The following KIF5B variants were observed in gnomAD, a reference collection of about 807,000 sequenced individuals.
KIF5B encodes the protein kinesin family member 5B, also known as kinesin-1 heavy chain.
In KIF5B, 49 loss-of-function variants were observed where a neutral mutation model predicts 132.8. That is an observed-to-expected ratio of 0.37 (90% CI 0.29 to 0.47). KIF5B has a LOEUF of 0.47. Among genes scored for constraint, KIF5B ranks in the 20% least tolerant of loss-of-function variants. The pLI is 1.00. For missense variants in KIF5B, 780 were observed against 1,144.0 expected (o/e 0.68, Z 4.59); for synonymous variants, 355 against 369.4 (o/e 0.96, Z 0.45).
At chr10:32,033,068 C>T (rs1248131577) in intron 12 of KIF5B, among the ~76,000 whole-genome samples, 6 of 152,154 alleles carry the variant, frequency 3.9e-5, no homozygotes, top group South Asian at 2.1e-4. Context: ...CTTGTTCTTG[C>T]CTTCCATTCT....
At chr10:32,015,296 A>T (rs760729085) in intron 25 of KIF5B, among the ~76,000 whole-genome samples, 1 of 152,182 alleles carries the variant, frequency 6.6e-6, no homozygotes, top group South Asian at 2.1e-4. Flanking sequence ...GCTATTACAA[A>T]TGGTCCAATG....
At chr10:32,054,337 C>T (rs1211830954) in intron 1 of KIF5B, among the ~76,000 whole-genome samples, 1 of 152,222 alleles carries the variant, frequency 6.6e-6, no homozygotes, top group African/African-American at 2.4e-5. Flanking sequence ...GCTATGATGT[C>T]ATTTACACAC....
chr10:32,021,728 T>C (rs566157374), intron 17 of KIF5B, among the ~76,000 whole-genome samples: 53 of 152,254 alleles, frequency 3.5e-4, no homozygotes, highest in Admixed American at 5.9e-4. Context: ...ATCCCAGCAC[T>C]TTGGGAGGCC....
intron 25 of KIF5B, 108 bp downstream of exon 25, chr10:32,015,399 TAA>T (rs1159341606): frequency 2.6e-6 from 2 of 763,148 alleles, no homozygotes; most frequent in Non-Finnish European, 4.2e-6. Flanking sequence ...TTATAATGCT[TAA>T]GTTAAAAAAA....
chr10:32,031,385 G>A, intron 13 of KIF5B, 106 bp from the exon 14 acceptor site: 1 of 791,900 alleles, frequency 1.3e-6, no homozygotes, highest in Admixed American at 2.4e-5. Flanking sequence ...AATATGGATG[G>A]TATTCAGTGT....
Position 32,044,632 on chromosome 10 carries a change from C to T in KIF5B, c.214+3832G>A, listed in dbSNP as rs535855056. ...GGTAGGTTACAGTGAGCCAAGATGG[C>T]GCCACTGCAGTCCAGCCTGGACAAC... On this transcript the variant is annotated intron_variant, in intron 2 of 25. Transcript: ENST00000302418. 4.6e-5 allele frequency among the ~76,000 whole-genome samples: 7 copies of T among 151,754 alleles called. No homozygotes were observed. In the East Asian group the frequency reaches 5.8e-4, roughly 13 times the overall value.
rs117680786 is a variant in KIF5B at position 32,045,180 on chromosome 10, A to G, written c.214+3284T>C. 4.1e-3 allele frequency among the ~76,000 whole-genome samples: 617 copies of G among 152,290 alleles called. 7 individuals carry two copies. The highest frequency in any genetic ancestry group is 0.038 in the East Asian group (196 of 5,186). On this transcript the variant is annotated intron_variant, in intron 2 of 25. Coordinates refer to ENST00000302418, the MANE Select transcript of KIF5B (RefSeq NM_004521.3). Reference sequence around the variant, plus strand: ...TTATTAAGAGACTGTGTAACTAAGGATATACAAGAGAAGAGACAGAACTCA... The same window carrying G: ...TTATTAAGAGACTGTGTAACTAAGGGTATACAAGAGAAGAGACAGAACTCA...
At position 32,039,437 on chromosome 10, in the gene KIF5B, C is replaced by T; in HGVS notation, c.289-6G>A. 8.2e-7 allele frequency: 1 copy of T among 1,224,216 alleles called. No homozygotes were observed. The highest frequency in any genetic ancestry group is 1.2e-6 in the Non-Finnish European group (1 of 862,762). The allele number at this position is 1,224,216 out of a possible 1,614,324, so 75.8% of individuals were successfully genotyped here. A position where few individuals can be genotyped will look rare whatever the true frequency, so the allele number is the denominator to read the frequency against. ...TCTGGATCATGAAGTTTACCCTAAA[C>T]AAAAAACAAAACTAGACTTCTTAAA... On this transcript the variant is annotated splice_polypyrimidine_tract_variant and splice_region_variant and intron_variant, in intron 3 of 25. Coordinates refer to ENST00000302418, the MANE Select transcript of KIF5B (RefSeq NM_004521.3).
Position 32,017,321 on chromosome 10 carries a change from A to G in KIF5B, c.2583T>C (p.Pro861=), listed in dbSNP as rs565996129. ...RDNADLRCEL[P]KLEKRLRATA... ...TAGCTCGAAGTCGCTTTTCCAACTT[A>G]GGAAGTTCACAGCGGAGATCTGCAT... The change falls in exon 24 of 26, where the codon CCT becomes CCC. Residue 861 remains proline, a synonymous_variant. Transcript: ENST00000302418. 5.6e-6 allele frequency: 9 copies of G among 1,614,220 alleles called. No individual in the cohort carries two copies. The East Asian group carries it at 1.8e-4, about 32-fold the overall frequency.
chr10:32,018,006 TG>T (rs1433538640), intron 23 of KIF5B, 45 bp downstream of exon 23: 1 of 1,074,462 alleles, frequency 9.3e-7, no homozygotes, highest in Non-Finnish European at 1.4e-6. Flanking sequence ...CCTCAATTTT[TG>T]ATTTTTACTA....
chr10:32,048,192 A>C (rs1168140475), intron 2 of KIF5B, among the ~76,000 whole-genome samples: 1 of 152,202 alleles, frequency 6.6e-6, no homozygotes, highest in Non-Finnish European at 1.5e-5. Flanking sequence ...TCTCCTGGGA[A>C]TATCTAACAG....
intron 15 of KIF5B, among the ~76,000 whole-genome samples, chr10:32,025,882 T>C (rs926743067): frequency 6.6e-6 from 1 of 152,240 alleles, no homozygotes; most frequent in Non-Finnish European, 1.5e-5. Context: ...GGGCTACATA[T>C]ACATACTGTA....
At chr10:32,029,539 G>C (rs1437886400) in intron 14 of KIF5B, among the ~76,000 whole-genome samples, 2 of 152,044 alleles carry the variant, frequency 1.3e-5, no homozygotes, top group Non-Finnish European at 2.9e-5. Flanking sequence ...TATCCACCCA[G>C]GTTAATCTAC....
chr10:32,034,663 G>T (rs211277), intron 11 of KIF5B, 27 bp downstream of exon 11: 344,173 of 1,501,648 alleles, frequency 0.23, 41,522 homozygotes, highest in Middle Eastern at 0.27. Context: ...TTAACAAACT[G>T]AAGATGACAA....
At position 32,039,784 on chromosome 10, in the gene KIF5B, T is replaced by C. The variant is rs7910262; in HGVS notation, c.289-353A>G. 4.5e-3 allele frequency among the ~76,000 whole-genome samples: 685 copies of C among 152,322 alleles called. 2 individuals carry two copies. The highest frequency in any genetic ancestry group is 0.016 in the African/African-American group (646 of 41,584). Reference sequence around the variant, plus strand: ...AGGCAAATTCATGCAAATACTAGGATGTCCTTGTTCTCTATGACTTTATGA... The same window carrying C: ...AGGCAAATTCATGCAAATACTAGGACGTCCTTGTTCTCTATGACTTTATGA... On this transcript the variant is annotated intron_variant, in intron 3 of 25. Coordinates refer to ENST00000302418, the MANE Select transcript of KIF5B (RefSeq NM_004521.3).
intron 15 of KIF5B, among the ~76,000 whole-genome samples, chr10:32,024,051 TA>T (rs372127839): frequency 6.8e-4 from 43 of 63,404 alleles, no homozygotes; most frequent in East Asian, 4.7e-3. Context: ...ACGTTGAGAG[TA>T]AAAAAAAAAA....
chr10:32,032,402 G>T (rs1308194046), intron 13 of KIF5B, among the ~76,000 whole-genome samples: 1 of 151,908 alleles, frequency 6.6e-6, no homozygotes, highest in Non-Finnish European at 1.5e-5. Flanking sequence ...AAAATTTAAA[G>T]GACTGCTTTT....
At chr10:32,030,949 C>T (rs987648822) in intron 14 of KIF5B, 124 bp downstream of exon 14, 10 of 680,374 alleles carry the variant, frequency 1.5e-5, no homozygotes, top group Middle Eastern at 4.1e-4. Context: ...AGTTGAAACC[C>T]GAGTCCTTGA....
intron 15 of KIF5B, among the ~76,000 whole-genome samples, chr10:32,026,621 T>C (rs1479474546): frequency 1.3e-5 from 2 of 151,512 alleles, no homozygotes; most frequent in Non-Finnish European, 2.9e-5. Flanking sequence ...AATCTAGTAG[T>C]CATGGAACCT....
Sources: gnomAD v4.1 joint callset for allele counts (sites outside exome capture counted in the v4.1 genomes callset) on GRCh38, gnomAD v4.1.1 for gene constraint, MANE v1.5 for transcripts, NCBI Gene and HGNC (gene_info 2026-07-23, HGNC 2026-07-21) for gene names.